The following SMAD1 variants were observed in gnomAD, a reference collection of about 807,000 sequenced individuals.
The protein encoded by SMAD1 is SMAD family member 1, also known as MAD, mothers against decapentaplegic homolog 1.
Under a neutral mutation model 41.6 loss-of-function variants are expected in SMAD1, and 6 were observed. That is an observed-to-expected ratio of 0.14 (90% confidence interval 0.08 to 0.28). The LOEUF is 0.28. Among genes scored for constraint, SMAD1 ranks in the 10% least tolerant of loss-of-function variants. The pLI, the probability that SMAD1 is intolerant of heterozygous loss-of-function variation, is 1.00. For synonymous variants in SMAD1, 206 were observed against 203.2 expected, an observed-to-expected ratio of 1.01 and a Z score of -0.12; for missense variants, 379 against 582.6, an observed-to-expected ratio of 0.65 and a Z score of 3.60.
chr4:145,510,028 A>G (rs1363714214), intron 1 of SMAD1, among the ~76,000 whole-genome samples: 1 of 152,226 alleles, frequency 6.6e-6, no homozygotes, highest in Non-Finnish European at 1.5e-5. Flanking sequence ...TGTTTCCTGT[A>G]GTGAAGATGA....
At chr4:145,484,215 T>C (rs958612502) in intron 1 of SMAD1, among the ~76,000 whole-genome samples, 7 of 152,208 alleles carry the variant, frequency 4.6e-5, no homozygotes, top group Non-Finnish European at 8.8e-5. Context: ...AGGCCAAGTG[T>C]GTGTGTATAA....
chr4:145,542,491 C>T, intron 3 of SMAD1, 91 bp from the exon 4 acceptor site: 1 of 680,280 alleles, frequency 1.5e-6, no homozygotes, highest in Non-Finnish European at 2.4e-6. Flanking sequence ...ACAACTTGAT[C>T]TCTTGAGAAT....
chr4:145,536,235 G>GCA (rs1485931717), intron 2 of SMAD1, among the ~76,000 whole-genome samples: 1 of 151,866 alleles, frequency 6.6e-6, no homozygotes, highest in Admixed American at 6.6e-5. Flanking sequence ...GTACACACAC[G>GCA]CACACACACA....
chr4:145,537,105 G>A (rs1353121481), intron 2 of SMAD1, among the ~76,000 whole-genome samples: 3 of 152,074 alleles, frequency 2.0e-5, no homozygotes, highest in African/African-American at 7.2e-5. Context: ...ATATGACAAC[G>A]AAGTACAATA....
chr4:145,555,952 A>G (rs1338907297), intron 6 of SMAD1, among the ~76,000 whole-genome samples: 1 of 152,224 alleles, frequency 6.6e-6, no homozygotes, highest in Non-Finnish European at 1.5e-5. Context: ...AATCCTGCTG[A>G]ATGTTAAAGA....
chr4:145,506,138 G>T (rs1378723171), intron 1 of SMAD1, among the ~76,000 whole-genome samples: 1 of 151,812 alleles, frequency 6.6e-6, no homozygotes, highest in Non-Finnish European at 1.5e-5. Context: ...ACCAAGCCTG[G>T]CCGATCAAAC....
intron 3 of SMAD1, among the ~76,000 whole-genome samples, chr4:145,541,046 AG>A (rs1731903713): frequency 1.3e-5 from 2 of 151,994 alleles, no homozygotes; most frequent in South Asian, 4.2e-4. Context: ...GTTTGGGATG[AG>A]GGTTGGGAGA....
In SMAD1 at chr4:145,558,050, T is replaced by G. The variant is rs572383312; in HGVS notation, c.*116T>G. 2.1e-4 allele frequency: 122 copies of G among 593,938 alleles called. No homozygotes were observed. Among genetic ancestry groups the G allele is most frequent in the Non-Finnish European group, 3.0e-4 (113 of 378,390 alleles). The allele number at this position is 593,938 out of a possible 1,614,324, so 36.8% of individuals were successfully genotyped here. A position where few individuals can be genotyped will look rare whatever the true frequency, so the allele number is the denominator to read the frequency against. ...GAGCCTTGATAATACTTGACCTCTG[T>G]GACCAACTGTTGGATTCAGAAATTT... On this transcript the variant is annotated 3_prime_UTR_variant, in exon 7 of 7. Transcript: ENST00000302085.
intron 5 of SMAD1, among the ~76,000 whole-genome samples, chr4:145,548,514 G>A (rs1732380260): frequency 6.6e-6 from 1 of 152,140 alleles, no homozygotes; most frequent in Admixed American, 6.5e-5. Context: ...AGGTGTGTGA[G>A]CCACTGTGCC....
At chr4:145,548,042 G>A (rs373335079) in intron 5 of SMAD1, among the ~76,000 whole-genome samples, 16 of 152,156 alleles carry the variant, frequency 1.1e-4, no homozygotes, top group African/African-American at 3.6e-4. Flanking sequence ...GGGATAGGTA[G>A]GCATAGGAGG....
At chr4:145,481,357 T>G (rs1467930710), upstream of SMAD1, 3 of 151,358 alleles carry the variant, frequency 2.0e-5, no homozygotes, top group African/African-American at 7.3e-5. Context: ...GGAGAGTGAG[T>G]GAGGGGCAAC....
At chr4:145,489,200 G>C (rs760907120) in intron 1 of SMAD1, among the ~76,000 whole-genome samples, 1 of 152,206 alleles carries the variant, frequency 6.6e-6, no homozygotes, top group African/African-American at 2.4e-5. Flanking sequence ...GCAGTGAGCA[G>C]CCCTGCCTGA....
chr4:145,527,382 C>T (rs1407897458), intron 2 of SMAD1, among the ~76,000 whole-genome samples: 1 of 152,020 alleles, frequency 6.6e-6, no homozygotes, highest in African/African-American at 2.4e-5. Context: ...CGCCACTACG[C>T]CCAGCCAATT....
chr4:145,517,271 A>G (rs978517594), intron 2 of SMAD1, among the ~76,000 whole-genome samples: 2 of 151,848 alleles, frequency 1.3e-5, no homozygotes, highest in Non-Finnish European at 2.9e-5. Context: ...CTCTATCTGT[A>G]CCTGTTTCTC....
At chr4:145,494,871 G>C (rs1728979454) in intron 1 of SMAD1, among the ~76,000 whole-genome samples, 1 of 152,202 alleles carries the variant, frequency 6.6e-6, no homozygotes, top group Non-Finnish European at 1.5e-5. Context: ...TCTGAGGATT[G>C]ACTGCTTTGC....
rs558065308 is a variant in SMAD1 at position 145,521,238 on chromosome 4, A to G, written c.400+6225A>G. On this transcript the variant is annotated intron_variant, in intron 2 of 6. Transcript: ENST00000302085. ...AGTAAATGCTGACAGTGGTTAAGCA[A>G]GCAATCTAACTGTGGTATTGAGAAG... 1.2e-3 allele frequency among the ~76,000 whole-genome samples: 180 copies of G among 152,332 alleles called. 4 individuals carry two copies. The South Asian group carries it at 0.035, about 30-fold the overall frequency.
chr4:145,543,047 A>T (rs936437853), intron 4 of SMAD1, among the ~76,000 whole-genome samples: 1 of 151,462 alleles, frequency 6.6e-6, no homozygotes. Flanking sequence ...GTTCACTGCA[A>T]CCTCCACCTC....
rs568117801 is a variant in SMAD1 at position 145,529,239 on chromosome 4, T to C, written c.401-10565T>C. On this transcript the variant is annotated intron_variant, in intron 2 of 6. Transcript: ENST00000302085. ...TTGAAGGTATTTTTTTTTCTCCTGA[T>C]GTTTTTAGGTTATACCCTGAAGTTT... is the stretch of plus-strand genomic sequence containing the variant. Among the ~76,000 whole-genome samples, 229 of 152,290 alleles carry C rather than the reference T, an allele frequency of 1.5e-3. 1 individual carries two copies. The highest frequency in any genetic ancestry group is 4.3e-3 in the African/African-American group (179 of 41,554).
At chr4:145,510,045 T>G (rs1729993911) in intron 1 of SMAD1, among the ~76,000 whole-genome samples, 1 of 152,186 alleles carries the variant, frequency 6.6e-6, no homozygotes. Flanking sequence ...ATGACAGATG[T>G]GTAGATTATC....
Sources: allele counts gnomAD v4.1 joint callset (sites outside exome capture counted in the v4.1 genomes callset), GRCh38; gene constraint gnomAD v4.1.1; transcripts MANE v1.5; gene names NCBI Gene and HGNC (gene_info 2026-07-23, HGNC 2026-07-21).